PCDHA5: variants seen among roughly 807,000 people sequenced by gnomAD.
PCDHA5 encodes protocadherin alpha 5, also known as protocadherin alpha-5.
In PCDHA5, 43 loss-of-function variants were observed where a neutral mutation model predicts 61.6. That is an observed-to-expected ratio of 0.70 (90% confidence interval 0.55 to 0.90). The LOEUF (loss-of-function observed/expected upper bound fraction) is 0.90, where lower values mean the gene tolerates loss of function less well. PCDHA5 is among the 40% of genes least tolerant of loss of function. The pLI, the probability that PCDHA5 is intolerant of heterozygous loss-of-function variation, is 0.00. For synonymous variants in PCDHA5, 627 were observed against 543.9 expected, an observed-to-expected ratio of 1.15 and a Z score of -2.13; for missense variants, 1,298 against 1,222.7, an observed-to-expected ratio of 1.06 and a Z score of -0.92.
intron 3 of PCDHA5, among the ~76,000 whole-genome samples, chr5:140,990,384 T>A (rs2097391380): frequency 6.6e-6 from 1 of 152,186 alleles, no homozygotes; most frequent in Non-Finnish European, 1.5e-5. Context: ...TTGTTGGTGA[T>A]GTTCCAAGAA....
chr5:140,870,271 C>T (rs2051826884), intron 1 of PCDHA5: 1 of 1,614,176 alleles, frequency 6.2e-7, no homozygotes, highest in Non-Finnish European at 8.5e-7. Flanking sequence ...CTCGCTGACG[C>T]CCCACGTTCC....
At chr5:140,989,410 C>T (rs568177388) in intron 3 of PCDHA5, among the ~76,000 whole-genome samples, 1 of 152,230 alleles carries the variant, frequency 6.6e-6, no homozygotes, top group South Asian at 2.1e-4. Context: ...GGAGAGTCTG[C>T]ACTTCACTCT....
intron 1 of PCDHA5, among the ~76,000 whole-genome samples, chr5:140,940,510 G>A (rs1477590604): frequency 4.0e-5 from 6 of 151,894 alleles, no homozygotes; most frequent in African/African-American, 9.7e-5. Context: ...TCGCTCAGGC[G>A]TGATCATAGC....
intron 1 of PCDHA5, chr5:140,843,591 G>A (rs2150363188): frequency 6.3e-7 from 1 of 1,596,134 alleles, no homozygotes; most frequent in Admixed American, 1.7e-5. Flanking sequence ...CAGCCGCAGA[G>A]GGTGTGCTCT....
At chr5:140,830,666 A>G in intron 1 of PCDHA5, 1 of 390,320 alleles carries the variant, frequency 2.6e-6, no homozygotes, top group Non-Finnish European at 4.2e-6. Flanking sequence ...AATTTAAGTG[A>G]AATTAGAAAT....
intron 1 of PCDHA5, among the ~76,000 whole-genome samples, chr5:140,894,100 G>C (rs1554185932): frequency 2.0e-5 from 3 of 151,990 alleles, no homozygotes; most frequent in African/African-American, 7.3e-5. Context: ...CTAGCTCCTG[G>C]TGTTGCAGAT....
rs782463268 is a variant in PCDHA5, at chr5:140,941,198, TCTTCCTTTCTTTCTTC to T, written c.2353-37747_2353-37732del. On this transcript the variant is annotated intron_variant, in intron 1 of 3. Transcript: ENST00000529859. ...AACATCCTGCTTCTTTTTTTTTCTTTCTTCCTTTCTTTCTTCCTTTCTTTCTTTCTTTCTTTCTTTC... is the reference window on the plus strand; with the variant it reads ...AACATCCTGCTTCTTTTTTTTTCTTTCTTTCTTTCTTTCTTTCTTTCTTTC... 2.9e-3 allele frequency among the ~76,000 whole-genome samples: 353 copies of T among 119,898 alleles called. 1 individual carries two copies. Among genetic ancestry groups the T allele is most frequent in the African/African-American group, 8.8e-3 (254 of 28,982 alleles). The allele number at this position is 119,898 out of a possible 152,430, so 78.7% of individuals were successfully genotyped here.
Position 140,953,715 on chromosome 5 carries a change from A to T in PCDHA5, c.2353-25234A>T, listed in dbSNP as rs535385036. Among the ~76,000 whole-genome samples the T allele has an allele frequency of 2.6e-5, 4 of 152,312 alleles. No homozygotes were observed. The South Asian group carries it at 6.2e-4, about 24-fold the overall frequency. On this transcript the variant is annotated intron_variant, in intron 1 of 3. Transcript: ENST00000529859. ...TGATCTACTAGACTGAGCTTCAGAC[A>T]TTGTGTTTTGAAATTTTTGCTTAAC...
At chr5:140,895,863 G>A (rs1450764434) in intron 1 of PCDHA5, among the ~76,000 whole-genome samples, 3 of 152,162 alleles carry the variant, frequency 2.0e-5, no homozygotes, top group African/African-American at 7.2e-5. Flanking sequence ...CCAGGCTGGA[G>A]TGCAATGGCG....
In PCDHA5 at chr5:140,823,762, A is replaced by C. The variant is rs2150128894; in HGVS notation, c.1987A>C (p.Thr663Pro). ...HGEPPLTATA[T>P]VLVSLVESGQ... ...AGAGCCCCCGCTGACAGCCACAGCC[A>C]CAGTGCTGGTGTCGCTGGTGGAAAG... Residue 663 changes from threonine to proline, a missense_variant, in exon 1 of 4, where the codon ACA becomes CCA. By Grantham distance (38) the Thr-to-Pro change is conservative. Coordinates refer to ENST00000529859, the MANE Select transcript of PCDHA5 (RefSeq NM_018908.3). 1 of 1,613,864 alleles carries C rather than the reference A, an allele frequency of 6.2e-7. No individual in the cohort carries two copies. The highest frequency in any genetic ancestry group is 2.2e-5 in the East Asian group (1 of 44,864).
chr5:140,849,329 T>A (rs1581180148), intron 1 of PCDHA5: 2 of 1,371,780 alleles, frequency 1.5e-6, no homozygotes, highest in East Asian at 4.8e-5. Flanking sequence ...GGGATATTAT[T>A]TACTCCTTCT....
At chr5:140,842,280 T>C (rs1554138934) in intron 1 of PCDHA5, 10 of 1,610,840 alleles carry the variant, frequency 6.2e-6, no homozygotes, top group South Asian at 3.3e-5. Flanking sequence ...AAAATCCTCA[T>C]TGACGCCACG....
chr5:140,915,259 T>C (rs1344301014), intron 1 of PCDHA5, among the ~76,000 whole-genome samples: 1 of 152,182 alleles, frequency 6.6e-6, no homozygotes, highest in East Asian at 1.9e-4. Context: ...GTTGTTATTA[T>C]TTTTGACCAG....
At position 140,849,582 on chromosome 5, in the gene PCDHA5, G is replaced by A. The variant is rs2150441329; in HGVS notation, c.2352+25455G>A. On this transcript the variant is annotated intron_variant, in intron 1 of 3. Transcript: ENST00000529859. Reference sequence around the variant, plus strand: ...GCTCTCGGTTCCTGTAAAAGAGGACGCACAACTGGGGACAGTTATTGCCCT... The same window carrying A: ...GCTCTCGGTTCCTGTAAAAGAGGACACACAACTGGGGACAGTTATTGCCCT... 80 of 1,598,576 alleles carry A rather than the reference G, an allele frequency of 5.0e-5. 10 individuals are homozygous for A. Among genetic ancestry groups the A allele is most frequent in the Non-Finnish European group, 6.6e-5 (77 of 1,167,978 alleles).
At chr5:140,966,527 G>C (rs1328867902) in intron 1 of PCDHA5, 2 of 444,184 alleles carry the variant, frequency 4.5e-6, no homozygotes, top group Non-Finnish European at 7.8e-6. Context: ...AAGCCGAGCC[G>C]GGTTGAGCGA....
chr5:140,842,051 C>G (rs2150328197), intron 1 of PCDHA5: 4 of 1,613,852 alleles, frequency 2.5e-6, no homozygotes, highest in Non-Finnish European at 3.4e-6. Flanking sequence ...CACTTTCGAA[C>G]AGTCTGAATA....
chr5:140,827,601 G>C (rs1237509481), intron 1 of PCDHA5, among the ~76,000 whole-genome samples: 1 of 152,162 alleles, frequency 6.6e-6, no homozygotes, highest in African/African-American at 2.4e-5. Flanking sequence ...ACAGATGTGG[G>C]CAAGTTTCTT....
At chr5:141,005,520 G>A (rs34458028) in intron 3 of PCDHA5, among the ~76,000 whole-genome samples, 7,602 of 151,238 alleles carry the variant, frequency 0.05, 239 homozygotes, top group South Asian at 0.11. Flanking sequence ...TGGCTAACAC[G>A]GTGAAACCCC....
At chr5:140,858,455 AT>A in intron 1 of PCDHA5, 2 of 1,529,258 alleles carry the variant, frequency 1.3e-6, no homozygotes, top group Non-Finnish European at 1.8e-6. Context: ...TTACGTTTTC[AT>A]TTTCCTTTTG....
Sources: gnomAD v4.1 joint callset for allele counts (sites outside exome capture counted in the v4.1 genomes callset) on GRCh38, gnomAD v4.1.1 for gene constraint, MANE v1.5 for transcripts, NCBI Gene and HGNC (gene_info 2026-07-23, HGNC 2026-07-21) for gene names.